Variants in STK32B observed in about 807,000 individuals in gnomAD.
The protein encoded by STK32B is serine/threonine kinase 32B.
STK32B carries 43 observed loss-of-function variants against 52.6 expected under a neutral mutation model. That is an observed-to-expected ratio of 0.82 (90% CI 0.64 to 1.05). The LOEUF is 1.05. Among genes scored for constraint, STK32B ranks in the 50% least tolerant of loss-of-function variants. The pLI, the probability that STK32B is intolerant of heterozygous loss-of-function variation, is 0.00. For synonymous variants in STK32B, 238 were observed against 204.3 expected (o/e 1.17, Z -1.41); for missense variants, 621 against 534.6 (o/e 1.16, Z -1.59).
At position 5,485,557 on chromosome 4, in the gene STK32B, T is replaced by C. The variant is rs1450757247; in HGVS notation, c.1107-13388T>C. Reference sequence around the variant, plus strand: ...ACTTCCTCCTTTAGCTCGGAGTTGTTTGATCTTCTGAAGCCTTCTTCTCTC... The same window carrying C: ...ACTTCCTCCTTTAGCTCGGAGTTGTCTGATCTTCTGAAGCCTTCTTCTCTC... On this transcript the variant is annotated intron_variant, in intron 11 of 11. Coordinates refer to ENST00000282908, the MANE Select transcript of STK32B (RefSeq NM_018401.3). Among the ~76,000 whole-genome samples the C allele has an allele frequency of 6.6e-5, 10 of 152,322 alleles. No individual in the cohort carries two copies. In the East Asian group the frequency reaches 1.5e-3, roughly 24 times the overall value.
At chr4:5,413,485 C>A (rs967401389) in intron 5 of STK32B, among the ~76,000 whole-genome samples, 18 of 152,166 alleles carry the variant, frequency 1.2e-4, no homozygotes, top group Admixed American at 6.6e-4. Context: ...TTCTGCAGTT[C>A]TAGGGAATCA....
Position 5,071,485 on chromosome 4 carries a change from C to T in STK32B, c.52+19570C>T, listed in dbSNP as rs576313797. 2.6e-4 allele frequency among the ~76,000 whole-genome samples: 40 copies of T among 152,170 alleles called. No homozygotes were observed. The South Asian group carries it at 2.9e-3, about 11-fold the overall frequency. Reference sequence around the variant, plus strand: ...ATTGTGCTGCAGCAGAATCCTCTACCGTTCATTTAAGTGGTATAAGATATT... The same window carrying T: ...ATTGTGCTGCAGCAGAATCCTCTACTGTTCATTTAAGTGGTATAAGATATT... On this transcript the variant is annotated intron_variant, in intron 1 of 11. Transcript: ENST00000282908.
In STK32B at chr4:5,218,693, C is replaced by T. The variant is rs558566101; in HGVS notation, c.260+50243C>T. Among the ~76,000 whole-genome samples the T allele has an allele frequency of 1.4e-4, 21 of 151,364 alleles. No homozygotes were observed. The South Asian group carries it at 3.5e-3, about 25-fold the overall frequency. On this transcript the variant is annotated intron_variant, in intron 3 of 11. Transcript: ENST00000282908. ...TTAGCACCCGTTCTTGCTAGTCAGC[C>T]TTTCTCTGGAAAAGTTCTAAAAACT...
intron 1 of STK32B, among the ~76,000 whole-genome samples, chr4:5,111,579 T>A (rs1396292707): frequency 6.6e-6 from 1 of 151,972 alleles, no homozygotes; most frequent in African/African-American, 2.4e-5. Flanking sequence ...CACATGGACA[T>A]AAAGATGGAG....
chr4:5,140,014 T>A, intron 2 of STK32B, 54 bp downstream of exon 2: 1 of 1,604,126 alleles, frequency 6.2e-7, no homozygotes, highest in East Asian at 2.2e-5. Context: ...TATATTTGTG[T>A]GTCTGTGTGT....
At chr4:5,081,802 TCTGTGTTCTC>T (rs1429877392) in intron 1 of STK32B, among the ~76,000 whole-genome samples, 1 of 152,244 alleles carries the variant, frequency 6.6e-6, no homozygotes, top group Non-Finnish European at 1.5e-5. Context: ...CATTGAGTTT[TCTGTGTTCTC>T]CTATACCTCA....
At chr4:5,478,395 G>T (rs1173628374) in intron 11 of STK32B, among the ~76,000 whole-genome samples, 2 of 152,138 alleles carry the variant, frequency 1.3e-5, no homozygotes, top group African/African-American at 2.4e-5. Context: ...CCAGGGTTTG[G>T]CTGAATCCAA....
At chr4:5,266,082 A>C (rs1727038656) in intron 3 of STK32B, among the ~76,000 whole-genome samples, 1 of 152,214 alleles carries the variant, frequency 6.6e-6, no homozygotes, top group Admixed American at 6.5e-5. Flanking sequence ...CTCTTAATAT[A>C]CATGTAGTCT....
intron 9 of STK32B, among the ~76,000 whole-genome samples, chr4:5,461,566 G>A (rs1204038439): frequency 6.6e-6 from 1 of 152,142 alleles, no homozygotes; most frequent in Non-Finnish European, 1.5e-5. Flanking sequence ...GAATCCAACC[G>A]AAGCCAAGCC....
chr4:5,494,637 T>C (rs1222451387), intron 11 of STK32B, among the ~76,000 whole-genome samples: 1 of 152,180 alleles, frequency 6.6e-6, no homozygotes, highest in East Asian at 1.9e-4. Flanking sequence ...GCTGGTTATT[T>C]TGCTCGTTAG....
intron 3 of STK32B, among the ~76,000 whole-genome samples, chr4:5,169,264 G>T (rs1008560510): frequency 6.6e-6 from 1 of 152,118 alleles, no homozygotes; most frequent in Non-Finnish European, 1.5e-5. Flanking sequence ...GCTTGTTTCT[G>T]GGTAGTCTAA....
chr4:5,424,696 C>G (rs1209818301), intron 6 of STK32B, among the ~76,000 whole-genome samples: 3 of 152,234 alleles, frequency 2.0e-5, no homozygotes, highest in Non-Finnish European at 4.4e-5. Flanking sequence ...CTCCAGTTGT[C>G]CATGTACCTC....
At chr4:5,271,033 A>T (rs566569654) in intron 3 of STK32B, among the ~76,000 whole-genome samples, 1 of 151,700 alleles carries the variant, frequency 6.6e-6, no homozygotes, top group African/African-American at 2.4e-5. Context: ...TGCCTCCCAG[A>T]TTCAAGCAAT....
chr4:5,306,557 G>A (rs984302747), intron 3 of STK32B, among the ~76,000 whole-genome samples: 8 of 152,074 alleles, frequency 5.3e-5, no homozygotes, highest in Admixed American at 1.3e-4. Flanking sequence ...TTGTCTTGAA[G>A]AGAGCAGATA....
In STK32B at chr4:5,396,626, A is replaced by G. The variant is rs559944796; in HGVS notation, c.435-1581A>G. ...CCCTTGTAGGCATTTTGTAGCTCAC[A>G]TTCCCTGGGCCACAGCCATCTCCTC... On this transcript the variant is annotated intron_variant, in intron 4 of 11. Transcript: ENST00000282908. This position sits in a 1 kb window ranked among gnomAD's most constrained non-coding sequence, Gnocchi z 4.7. Among the ~76,000 whole-genome samples the G allele has an allele frequency of 1.2e-4, 19 of 152,224 alleles. No homozygotes were observed. Among genetic ancestry groups the G allele is most frequent in the Admixed American group, 9.2e-4 (14 of 15,290 alleles).
intron 4 of STK32B, among the ~76,000 whole-genome samples, chr4:5,348,746 A>G (rs1733636064): frequency 6.6e-6 from 1 of 152,162 alleles, no homozygotes; most frequent in Admixed American, 6.5e-5. Flanking sequence ...CCTGCCTACA[A>G]TAGGCAGTGT....
chr4:5,205,712 G>GCA lies in STK32B; in HGVS notation c.260+37262_260+37263insCA, dbSNP rs1393881415. ...AGACCAGGCGCGCGCGCGTGTGTGT[G>GCA]TGTGTGTGTGTGTGTGTGTGCATTT... On this transcript the variant is annotated intron_variant, in intron 3 of 11. Transcript: ENST00000282908. Among the ~76,000 whole-genome samples, 517 of 84,190 alleles carry GCA rather than the reference G, an allele frequency of 6.1e-3. 2 individuals carry two copies. Among genetic ancestry groups the GCA allele is most frequent in the Non-Finnish European group, 0.015 (399 of 27,198 alleles). 55.2% of individuals were successfully genotyped at this position (84,190 alleles called of 152,430 possible). A position where few individuals can be genotyped will look rare whatever the true frequency, so the allele number is the denominator to read the frequency against.
chr4:5,313,015 C>T (rs958312078), intron 3 of STK32B, among the ~76,000 whole-genome samples: 4 of 151,694 alleles, frequency 2.6e-5, no homozygotes, highest in African/African-American at 9.7e-5. Flanking sequence ...CAGATGAAGA[C>T]AGTATGATAA....
chr4:5,377,229 A>G (rs998499747), intron 4 of STK32B, among the ~76,000 whole-genome samples: 2 of 152,220 alleles, frequency 1.3e-5, no homozygotes, highest in Admixed American at 1.3e-4. Context: ...TTTCTCCATT[A>G]AAAATTCACA....
Sources: gnomAD v4.1 joint callset for allele counts (sites outside exome capture counted in the v4.1 genomes callset) on GRCh38, gnomAD v4.1.1 for gene constraint, Gnocchi (gnomAD v3.1) non-coding constraint, MANE v1.5 for transcripts, NCBI Gene and HGNC (gene_info 2026-07-23, HGNC 2026-07-21) for gene names.